The following LRRC28 variants were observed in gnomAD, a reference collection of about 807,000 sequenced individuals.
The protein encoded by LRRC28 is leucine rich repeat containing 28.
LRRC28 carries 39 observed loss-of-function variants against 45.7 expected under a neutral mutation model. The observed-to-expected ratio is 0.85, with a 90% confidence interval of 0.66 to 1.12. LRRC28 has a LOEUF of 1.12. LRRC28 is among the 50% of genes most tolerant of loss of function. LRRC28 has a pLI of 0.00. For missense variants in LRRC28, 435 were observed against 438.5 expected, an observed-to-expected ratio of 0.99 and a Z score of 0.07; for synonymous variants, 206 against 178.8, an observed-to-expected ratio of 1.15 and a Z score of -1.22.
In LRRC28 at chr15:99,275,064, C is replaced by T. The variant is rs181498334; in HGVS notation, c.169-1512C>T. On this transcript the variant is annotated intron_variant, in intron 2 of 9. Transcript: ENST00000301981. Reference sequence around the variant, plus strand: ...CTTCAGCCTTTCGACTCTTTCTTTTCGTATGTGTAAATTTGAACCCCCTAT... The same window carrying T: ...CTTCAGCCTTTCGACTCTTTCTTTTTGTATGTGTAAATTTGAACCCCCTAT... 1.2e-3 allele frequency among the ~76,000 whole-genome samples: 179 copies of T among 152,190 alleles called. 2 individuals are homozygous for T. The highest frequency in any genetic ancestry group is 4.0e-3 in the African/African-American group (168 of 41,512).
intron 9 of LRRC28, among the ~76,000 whole-genome samples, chr15:99,376,330 A>G (rs558260573): frequency 1.3e-5 from 2 of 152,276 alleles, no homozygotes; most frequent in South Asian, 4.1e-4. Flanking sequence ...TGATTCTATT[A>G]TAGTCAAAGA....
At chr15:99,270,462 T>C (rs1277077721) in intron 2 of LRRC28, among the ~76,000 whole-genome samples, 4 of 136,056 alleles carry the variant, frequency 2.9e-5, no homozygotes, top group African/African-American at 1.1e-4. Flanking sequence ...CCAGCCCTGG[T>C]AACCAGCAAT....
intron 3 of LRRC28, among the ~76,000 whole-genome samples, chr15:99,279,222 G>T (rs2081710136): frequency 6.6e-6 from 1 of 152,154 alleles, no homozygotes; most frequent in Admixed American, 6.5e-5. Context: ...GTTGTAGCAG[G>T]TATCAGAATT....
At chr15:99,277,377 C>G (rs945892125) in intron 3 of LRRC28, among the ~76,000 whole-genome samples, 1 of 152,000 alleles carries the variant, frequency 6.6e-6, no homozygotes, top group Non-Finnish European at 1.5e-5. Flanking sequence ...CCCGTAAACC[C>G]TTCACCTAAA....
At chr15:99,357,017 G>A (rs1957065098) in intron 7 of LRRC28, among the ~76,000 whole-genome samples, 1 of 152,136 alleles carries the variant, frequency 6.6e-6, no homozygotes, top group Non-Finnish European at 1.5e-5. Context: ...TTCTTTCTAG[G>A]TGACATAGTT....
chr15:99,374,088 C>G (rs571585210), intron 9 of LRRC28, among the ~76,000 whole-genome samples: 1 of 152,274 alleles, frequency 6.6e-6, no homozygotes, highest in South Asian at 2.1e-4. Flanking sequence ...CTAGGCCCTA[C>G]ACTTTTCCAC....
chr15:99,310,741 T>A (rs1955375401), intron 5 of LRRC28, among the ~76,000 whole-genome samples: 1 of 152,208 alleles, frequency 6.6e-6, no homozygotes. Flanking sequence ...TTAAGAGATT[T>A]AAGAATCATA....
chr15:99,294,599 T>A (rs1439253674), intron 5 of LRRC28, among the ~76,000 whole-genome samples: 2 of 152,314 alleles, frequency 1.3e-5, no homozygotes, highest in South Asian at 2.1e-4. Flanking sequence ...TATTTTCTGA[T>A]TCATAGATGA....
intron 7 of LRRC28, among the ~76,000 whole-genome samples, chr15:99,360,843 A>G (rs1310755320): frequency 7.2e-5 from 11 of 152,214 alleles, no homozygotes; most frequent in Non-Finnish European, 2.9e-5. Flanking sequence ...TATTTTCCCC[A>G]CAAGTTTATG....
At chr15:99,332,441 G>A (rs147033117) in intron 5 of LRRC28, among the ~76,000 whole-genome samples, 382 of 152,232 alleles carry the variant, frequency 2.5e-3, no homozygotes, top group African/African-American at 8.2e-3. Context: ...ACAAGTTAGG[G>A]TATTTTGGAC....
At chr15:99,271,003 T>G (rs555453258) in intron 2 of LRRC28, among the ~76,000 whole-genome samples, 89 of 152,334 alleles carry the variant, frequency 5.8e-4, no homozygotes, top group South Asian at 2.5e-3. Context: ...TGATTTGCAT[T>G]TCCCTAATGC....
At chr15:99,272,149 T>A (rs2081498736) in intron 2 of LRRC28, among the ~76,000 whole-genome samples, 1 of 152,234 alleles carries the variant, frequency 6.6e-6, no homozygotes, top group Non-Finnish European at 1.5e-5. Flanking sequence ...AATCTGTGAC[T>A]TCTTTGAAAT....
intron 5 of LRRC28, among the ~76,000 whole-genome samples, chr15:99,323,412 A>G (rs916260924): frequency 6.6e-5 from 10 of 152,196 alleles, no homozygotes; most frequent in East Asian, 3.8e-4. Context: ...TTCGATCCCA[A>G]TTGTTACAAG....
chr15:99,274,259 C>T (rs879886015), intron 2 of LRRC28, among the ~76,000 whole-genome samples: 8 of 152,128 alleles, frequency 5.3e-5, no homozygotes, highest in Non-Finnish European at 7.3e-5. Flanking sequence ...TATATATAAG[C>T]AGTTTGTGAT....
At chr15:99,292,490 G>A (rs899863394) in intron 5 of LRRC28, among the ~76,000 whole-genome samples, 10 of 148,706 alleles carry the variant, frequency 6.7e-5, no homozygotes, top group Non-Finnish European at 7.4e-5. Context: ...TCAGCCTCCC[G>A]AGTAGCTGGG....
Position 99,259,223 on chromosome 15 carries a change from A to G in LRRC28, c.168+3098A>G, listed in dbSNP as rs1296318678. The G allele has an allele frequency of 4.7e-6, 5 of 1,066,588 alleles. No individual in the cohort carries two copies. The East Asian group carries it at 1.2e-4, about 25-fold the overall frequency. 66.1% of individuals were successfully genotyped at this position (1,066,588 alleles called of 1,614,324 possible). A position where few individuals can be genotyped will look rare whatever the true frequency, so the allele number is the denominator to read the frequency against. The stretch of plus-strand genomic sequence containing the variant: ...TGAAAGAATGAAGGAAAAACAAGAC[A>G]AAATCTGCCTCATGGCTGGGTCCAG... On this transcript the variant is annotated intron_variant, in intron 2 of 9. Coordinates refer to ENST00000301981, the MANE Select transcript of LRRC28 (RefSeq NM_144598.5).
chr15:99,272,274 C>G (rs2081502745), intron 2 of LRRC28, among the ~76,000 whole-genome samples: 1 of 152,188 alleles, frequency 6.6e-6, no homozygotes, highest in African/African-American at 2.4e-5. Context: ...CCTGGAGCCT[C>G]TGCCCAGGAA....
intron 3 of LRRC28, among the ~76,000 whole-genome samples, chr15:99,282,440 A>G (rs903694418): frequency 2.6e-5 from 4 of 152,144 alleles, no homozygotes; most frequent in African/African-American, 9.7e-5. Context: ...TTTCATGTAC[A>G]GTCATGCACA....
Position 99,316,409 on chromosome 15 carries a change from G to T in LRRC28, c.386-17514G>T, listed in dbSNP as rs1955595187. Among the ~76,000 whole-genome samples, 3 of 151,924 alleles carry T rather than the reference G, an allele frequency of 2.0e-5. No individual in the cohort carries two copies. In the South Asian group the frequency reaches 6.2e-4, roughly 31 times the overall value. On this transcript the variant is annotated intron_variant, in intron 5 of 9. Coordinates refer to ENST00000301981, the MANE Select transcript of LRRC28 (RefSeq NM_144598.5). ...CTGGCCCTTTTCTTGTGAAGAATTT[G>T]TGTGGTAGAAACCACTTGCCTCTAA...
Sources: gnomAD v4.1 joint callset for allele counts (sites outside exome capture counted in the v4.1 genomes callset) on GRCh38, gnomAD v4.1.1 for gene constraint, MANE v1.5 for transcripts, NCBI Gene and HGNC (gene_info 2026-07-23, HGNC 2026-07-21) for gene names.